Variants in CD163L1 observed in about 807,000 individuals in gnomAD.
CD163L1 encodes scavenger receptor cysteine-rich type 1 protein M160.
A neutral mutation model predicts 165.4 loss-of-function variants in CD163L1; 124 were observed. That is an observed-to-expected ratio of 0.75 (90% confidence interval 0.65 to 0.87). CD163L1 has a LOEUF of 0.87. Among genes scored for constraint, CD163L1 ranks in the 40% least tolerant of loss-of-function variants. The pLI is 0.00. For synonymous variants in CD163L1, 585 were observed against 662.2 expected (o/e 0.88, Z 1.79); for missense variants, 1,525 against 1,799.9 (o/e 0.85, Z 2.76).
At chr12:7,437,581 C>T (rs146969063) in intron 2 of CD163L1, among the ~76,000 whole-genome samples, 7,448 of 151,158 alleles carry the variant, frequency 0.049, 214 homozygotes, top group Middle Eastern at 0.093. Flanking sequence ...TGAGAACATG[C>T]GGTGTTTGGT....
chr12:7,442,911 T>A (rs1461207873), intron 1 of CD163L1, among the ~76,000 whole-genome samples: 2 of 152,336 alleles, frequency 1.3e-5, no homozygotes, highest in East Asian at 3.9e-4. Flanking sequence ...AGTAGGAAAT[T>A]CTTGAGAAGG....
rs1192466770 is a variant in CD163L1, at chr12:7,421,241, T to C, written c.766+11175A>G. Among the ~76,000 whole-genome samples, 9 of 131,544 alleles carry C rather than the reference T, an allele frequency of 6.8e-5. No homozygotes were observed. The East Asian group carries it at 2.0e-3, about 29-fold the overall frequency. The allele number at this position is 131,544 out of a possible 152,430, so 86.3% of individuals were successfully genotyped here. ...TGTGTATATATATGTATATATACAT[T>C]TGGAAGATATATATGTATATATCTT... is the stretch of plus-strand genomic sequence containing the variant. On this transcript the variant is annotated intron_variant, in intron 4 of 19. Transcript: ENST00000313599.
the CD163L1 span, among the ~76,000 whole-genome samples, chr12:7,337,924 A>G: frequency 6.6e-6 from 1 of 152,264 alleles, no homozygotes; most frequent in South Asian, 2.1e-4. Context: ...CCAAATGTCC[A>G]TCAATGATAG....
intron 8 of CD163L1, among the ~76,000 whole-genome samples, chr12:7,386,173 G>C (rs1947510945): frequency 6.6e-6 from 1 of 151,842 alleles, no homozygotes; most frequent in African/African-American, 2.4e-5. Context: ...AAGATTATAA[G>C]AGCCAAATAT....
intron 18 of CD163L1, among the ~76,000 whole-genome samples, chr12:7,362,503 A>G (rs1284476472): frequency 7.1e-6 from 1 of 141,404 alleles, no homozygotes. Flanking sequence ...TAATTAATAT[A>G]TTAAATTAAT....
chr12:7,380,435 A>C (rs758895713), intron 8 of CD163L1, among the ~76,000 whole-genome samples: 1 of 151,984 alleles, frequency 6.6e-6, no homozygotes, highest in Non-Finnish European at 1.5e-5. Context: ...ACATGATGGA[A>C]TACTACTCAG....
In CD163L1 at chr12:7,421,468, T is replaced by TATATAC. The variant is rs1369473587; in HGVS notation, c.766+10942_766+10947dup. ...ATACATATATGTACATATATACATA[T>TATATAC]ATATACATATATGTACATATATACA... On this transcript the variant is annotated intron_variant, in intron 4 of 19. Coordinates refer to ENST00000313599, the MANE Select transcript of CD163L1 (RefSeq NM_174941.6). Among the ~76,000 whole-genome samples the TATATAC allele has an allele frequency of 4.0e-3, 378 of 93,360 alleles. 31 individuals carry two copies. The highest frequency in any genetic ancestry group is 0.012 in the South Asian group (30 of 2,518). The allele number at this position is 93,360 out of a possible 152,430, so 61.2% of individuals were successfully genotyped here.
rs1226466132 is a variant in CD163L1 at position 7,375,160 on chromosome 12, C to T, written c.3001+121G>A. The T allele has an allele frequency of 1.3e-5, 13 of 991,572 alleles. No homozygotes were observed. In the East Asian group the frequency reaches 3.1e-4, roughly 24 times the overall value. 61.4% of individuals were successfully genotyped at this position (991,572 alleles called of 1,614,324 possible). A position where few individuals can be genotyped will look rare whatever the true frequency, so the allele number is the denominator to read the frequency against. ...TTCTTACATGTTACTCTTTGACTGT[C>T]ATGCCTATCCCCCCTCCACCTGCAC... On this transcript the variant is annotated intron_variant, in intron 11 of 19. Transcript: ENST00000313599.
chr12:7,363,551 G>A (rs1353665453), intron 18 of CD163L1, among the ~76,000 whole-genome samples: 1 of 151,712 alleles, frequency 6.6e-6, no homozygotes, highest in Non-Finnish European at 1.5e-5. Context: ...AGTAAAAAGA[G>A]AGAAAACTCA....
At chr12:7,325,377 T>A in the CD163L1 span, among the ~76,000 whole-genome samples, 31 of 152,332 alleles carry the variant, frequency 2.0e-4, no homozygotes, top group South Asian at 6.4e-3. Flanking sequence ...CTGGGCACGG[T>A]GGCTCACGCC....
At chr12:7,337,177 A>T in the CD163L1 span, among the ~76,000 whole-genome samples, 1 of 152,234 alleles carries the variant, frequency 6.6e-6, no homozygotes, top group East Asian at 1.9e-4. Context: ...CTCAAGATGG[A>T]TTAAAGACTT....
chr12:7,391,070 C>A (rs1470152663), intron 8 of CD163L1, among the ~76,000 whole-genome samples: 4 of 152,120 alleles, frequency 2.6e-5, no homozygotes. Flanking sequence ...GATACCCAGG[C>A]AAACAGGGTC....
chr12:7,374,939 G>C lies in CD163L1; in HGVS notation c.3002-16C>G. The C allele has an allele frequency of 5.6e-6, 9 of 1,612,808 alleles. No individual in the cohort carries two copies. The highest frequency in any genetic ancestry group is 7.6e-6 in the Non-Finnish European group (9 of 1,178,804). ...GTCAGGCTTCCTGGTGGAGGGTGCA[G>C]GAAATGGGGCAAAAGTAAGACCAAA... On this transcript the variant is annotated splice_polypyrimidine_tract_variant and intron_variant, in intron 11 of 19. Coordinates refer to ENST00000313599, the MANE Select transcript of CD163L1 (RefSeq NM_174941.6). The surrounding 1 kb of genome is among the most constrained non-coding windows in gnomAD (Gnocchi z 5.4).
the CD163L1 span, chr12:7,327,131 A>C: frequency 6.4e-7 from 1 of 1,560,356 alleles, no homozygotes; most frequent in Non-Finnish European, 8.7e-7. Context: ...TTTGGATGTT[A>C]CCAAACTAGG....
the CD163L1 span, chr12:7,322,614 G>A: frequency 3.3e-6 from 5 of 1,519,476 alleles, no homozygotes; most frequent in South Asian, 6.6e-5. Flanking sequence ...CTGAGCCCCT[G>A]AAGTGCCCCC....
At position 7,374,911 on chromosome 12, in the gene CD163L1, T is replaced by C. The variant is rs1565780232; in HGVS notation, c.3014A>G (p.Gln1005Arg). ...ATTTGCGAGGCATGGAAACAGTGGCTGGGTCAGGCTTCCTGGTGGAGGGTG... is the reference window on the plus strand; with the variant it reads ...ATTTGCGAGGCATGGAAACAGTGGCCGGGTCAGGCTTCCTGGTGGAGGGTG... ...VSVICTGSLT[Q>R]PLFPCLANVS... is the part of the protein sequence containing the mutation. Residue 1005 changes from glutamine to arginine, a missense_variant, in exon 12 of 20, where the codon CAG (glutamine) becomes CGG (arginine). Gln to Arg is a conservative substitution (Grantham distance 43). Coordinates refer to ENST00000313599, the MANE Select transcript of CD163L1 (RefSeq NM_174941.6). The surrounding 1 kb of genome is among the most constrained non-coding windows in gnomAD (Gnocchi z 5.4). The C allele has an allele frequency of 7.4e-6, 12 of 1,614,184 alleles. No homozygotes were observed. The highest frequency in any genetic ancestry group is 1.0e-5 in the Non-Finnish European group (12 of 1,180,020).
At chr12:7,343,778 G>GC (rs1946651751), downstream of CD163L1, among the ~76,000 whole-genome samples, 1 of 151,966 alleles carries the variant, frequency 6.6e-6, no homozygotes, top group African/African-American at 2.4e-5. Context: ...TTCACCTCTT[G>GC]CCCCCCAAAT....
At chr12:7,325,785 T>C in the CD163L1 span, among the ~76,000 whole-genome samples, 1 of 152,214 alleles carries the variant, frequency 6.6e-6, no homozygotes, top group Non-Finnish European at 1.5e-5. Context: ...ATTTTCATAA[T>C]TGCTTTTCCT....
intron 8 of CD163L1, among the ~76,000 whole-genome samples, chr12:7,387,880 C>T (rs756762533): frequency 7.2e-5 from 11 of 152,116 alleles, no homozygotes; most frequent in Non-Finnish European, 1.6e-4. Flanking sequence ...CTTCAAAATA[C>T]ACTACAAAGC....
Sources: allele counts gnomAD v4.1 joint callset (sites outside exome capture counted in the v4.1 genomes callset), GRCh38; gene constraint gnomAD v4.1.1; non-coding constraint Gnocchi (gnomAD v3.1); transcripts MANE v1.5; gene names NCBI Gene and HGNC (gene_info 2026-07-23, HGNC 2026-07-21).